Variants in RNF2 observed in about 807,000 individuals in gnomAD.
RNF2 encodes the protein ring finger protein 2, also known as E3 ubiquitin-protein ligase RING2.
A neutral mutation model predicts 37.2 loss-of-function variants in RNF2; 6 were observed. The ratio of observed to expected loss-of-function variants is 0.16; its 90% CI spans 0.09 to 0.32. RNF2 has a LOEUF of 0.32. Among genes scored for constraint, RNF2 ranks in the 10% least tolerant of loss-of-function variants. The pLI is 1.00. For synonymous variants in RNF2, 133 were observed against 132.7 expected, an observed-to-expected ratio of 1.00 and a Z score of -0.02; for missense variants, 251 against 404.0, an observed-to-expected ratio of 0.62 and a Z score of 3.25.
chr1:185,048,225 A>C (rs1650172373), intron 1 of RNF2, among the ~76,000 whole-genome samples: 1 of 152,158 alleles, frequency 6.6e-6, no homozygotes. Flanking sequence ...TGAGTCCCTG[A>C]CTATAGGTGC....
At chr1:185,066,403 T>C (rs79597165) in intron 1 of RNF2, among the ~76,000 whole-genome samples, 1,852 of 152,342 alleles carry the variant, frequency 0.012, 39 homozygotes, top group African/African-American at 0.042. Context: ...TCAGGACTGC[T>C]TTCTTTCCTC....
intron 1 of RNF2, among the ~76,000 whole-genome samples, chr1:185,061,253 G>T (rs12030761): frequency 1.3e-5 from 2 of 150,732 alleles, no homozygotes; most frequent in South Asian, 2.1e-4. Flanking sequence ...TCAGCCTCCC[G>T]AGTAGCTGGG....
chr1:185,065,221 G>A (rs1465316227), intron 1 of RNF2, among the ~76,000 whole-genome samples: 2 of 152,070 alleles, frequency 1.3e-5, no homozygotes, highest in Non-Finnish European at 2.9e-5. Context: ...CTCTAAAAAT[G>A]CACCAATCAG....
intron 1 of RNF2, among the ~76,000 whole-genome samples, chr1:185,048,862 T>C (rs1650192090): frequency 6.6e-6 from 1 of 152,142 alleles, no homozygotes; most frequent in Admixed American, 6.5e-5. Flanking sequence ...TTGCAGTTTC[T>C]TGGTGTTTCT....
chr1:185,063,675 T>C (rs988993025), intron 1 of RNF2, among the ~76,000 whole-genome samples: 15 of 152,214 alleles, frequency 9.9e-5, no homozygotes, highest in African/African-American at 3.1e-4. Context: ...AAATGAGTCT[T>C]ACGGGATTGA....
intron 1 of RNF2, among the ~76,000 whole-genome samples, chr1:185,074,508 A>G (rs1448367710): frequency 6.6e-6 from 1 of 152,058 alleles, no homozygotes; most frequent in South Asian, 2.1e-4. Flanking sequence ...GGGGCTTACT[A>G]TGAATAAGAA....
intron 1 of RNF2, among the ~76,000 whole-genome samples, chr1:185,076,964 ATTCAG>A (rs1651185837): frequency 6.6e-6 from 1 of 152,172 alleles, no homozygotes; most frequent in Admixed American, 6.5e-5. Flanking sequence ...GTGTACATTA[ATTCAG>A]TTCAGATCCT....
intron 1 of RNF2, among the ~76,000 whole-genome samples, chr1:185,054,024 G>A (rs886351673): frequency 3.9e-5 from 6 of 151,910 alleles, no homozygotes; most frequent in African/African-American, 9.7e-5. Flanking sequence ...TCTCTAGCAC[G>A]CAAACAATAT....
intron 1 of RNF2, among the ~76,000 whole-genome samples, chr1:185,067,122 G>C (rs1650819510): frequency 6.6e-6 from 1 of 152,146 alleles, no homozygotes; most frequent in African/African-American, 2.4e-5. Flanking sequence ...ATCAAATTAG[G>C]AATTGATATT....
chr1:185,098,079 C>G lies in RNF2; in HGVS notation c.472C>G (p.Arg158Gly). 6.2e-7 allele frequency: 1 copy of G among 1,613,692 alleles called. No homozygotes were observed. The highest frequency in any genetic ancestry group is 8.5e-7 in the Non-Finnish European group (1 of 1,179,794). Reference protein sequence around the residue: ...LKIQAMNRLQRGKKQQIENGS... With the variant: ...LKIQAMNRLQGGKKQQIENGS... Reference sequence around the variant, plus strand: ...TTTTTCCCCCTTGACTAGACTGCAGCGAGGCAAGAAACAACAGATTGAAAA... The same window carrying G: ...TTTTTCCCCCTTGACTAGACTGCAGGGAGGCAAGAAACAACAGATTGAAAA... Residue 158 changes from arginine (R) to glycine (G), a missense_variant, in exon 5 of 7, where the codon CGA becomes GGA. Arg to Gly is a moderately radical substitution (Grantham distance 125). Around this residue, in one of 7 missense-constraint regions of RNF2, gnomAD observed 94 missense variants for 99.2 expected, o/e 0.95. Transcript: ENST00000367510.
At chr1:185,063,035 C>G (rs936150905) in intron 1 of RNF2, among the ~76,000 whole-genome samples, 1 of 152,178 alleles carries the variant, frequency 6.6e-6, no homozygotes, top group Non-Finnish European at 1.5e-5. Flanking sequence ...GCCCTTTGAT[C>G]CAGTAATTCC....
In RNF2 at chr1:185,098,225, G is replaced by T. The variant is rs746144820; in HGVS notation, c.618G>T (p.Glu206Asp). The T allele has an allele frequency of 6.2e-7, 1 of 1,614,086 alleles. No individual in the cohort carries two copies. Among genetic ancestry groups the T allele is most frequent in the East Asian group, 2.2e-5 (1 of 44,892 alleles). Residue 206 changes from glutamate (E) to aspartate (D), a missense_variant, in exon 5 of 7, where the codon GAG becomes GAT. Physicochemically the swap from Glu to Asp is conservative, Grantham distance 45 (BLOSUM62 2). Coordinates refer to ENST00000367510, the MANE Select transcript of RNF2 (RefSeq NM_007212.4). ...RTKTSDDSGLELDNNNAAMAI... is the reference protein window; with the variant it reads ...RTKTSDDSGLDLDNNNAAMAI... ...AAACATCTGATGATTCTGGGCTAGA[G>T]CTTGATAATAACAATGCAGCAATGG...
intron 1 of RNF2, among the ~76,000 whole-genome samples, chr1:185,081,835 C>A (rs1293521617): frequency 6.6e-6 from 1 of 152,122 alleles, no homozygotes; most frequent in Non-Finnish European, 1.5e-5. Flanking sequence ...TCTCGATTTG[C>A]TGAGCATATT....
chr1:185,094,137 T>A (rs1651847464), intron 4 of RNF2, among the ~76,000 whole-genome samples: 1 of 151,722 alleles, frequency 6.6e-6, no homozygotes, highest in South Asian at 2.1e-4. Flanking sequence ...GTCAGTTTTT[T>A]TTTTTTATTT....
In RNF2 at chr1:185,067,211, C is replaced by T. The variant is rs554185517; in HGVS notation, c.-2-20341C>T. 7.2e-5 allele frequency among the ~76,000 whole-genome samples: 11 copies of T among 152,294 alleles called. No homozygotes were observed. In the South Asian group the frequency reaches 2.3e-3, roughly 32 times the overall value. On this transcript the variant is annotated intron_variant, in intron 1 of 6. Transcript: ENST00000367510. ...TCCAGATGTTCAGTACAGTGACAAGCTTTTCAGTAAAGAACACTTTGTGTC... is the reference window on the plus strand; with the variant it reads ...TCCAGATGTTCAGTACAGTGACAAGTTTTTCAGTAAAGAACACTTTGTGTC...
intron 1 of RNF2, among the ~76,000 whole-genome samples, chr1:185,076,218 G>A (rs1300292769): frequency 2.6e-5 from 3 of 115,660 alleles, no homozygotes; most frequent in Non-Finnish European, 5.5e-5. Flanking sequence ...TCTGGGTATT[G>A]TATCTTGCTT....
At chr1:185,094,135 T>TA (rs1346952130) in intron 4 of RNF2, among the ~76,000 whole-genome samples, 1 of 151,844 alleles carries the variant, frequency 6.6e-6, no homozygotes, top group Non-Finnish European at 1.5e-5. Flanking sequence ...GAGTCAGTTT[T>TA]TTTTTTTTAT....
rs1651819077 is a variant in RNF2, at chr1:185,093,297, G to A, written c.464+21G>A. 4 of 1,603,514 alleles carry A rather than the reference G, an allele frequency of 2.5e-6. No individual in the cohort carries two copies. The Admixed American group carries it at 5.0e-5, about 20-fold the overall frequency. ...AACAGGTATATGGGAAAGAGGGTCA[G>A]AGAGGGTAGCTGTTTTTCTGAATAC... On this transcript the variant is annotated intron_variant, in intron 4 of 6. Transcript: ENST00000367510.
rs1650908169 is a variant in RNF2, at chr1:185,069,599, A to G, written c.-2-17953A>G. Among the ~76,000 whole-genome samples the G allele has an allele frequency of 2.6e-5, 4 of 152,206 alleles. No individual in the cohort carries two copies. In the South Asian group the frequency reaches 8.3e-4, roughly 31 times the overall value. The stretch of plus-strand genomic sequence containing the variant: ...TATTGAGAGTCTGACCAAAGAGTAA[A>G]GGCCATGTAGATTCTGTATACTTTA... On this transcript the variant is annotated intron_variant, in intron 1 of 6. Coordinates refer to ENST00000367510, the MANE Select transcript of RNF2 (RefSeq NM_007212.4).
Sources: allele counts gnomAD v4.1 joint callset (sites outside exome capture counted in the v4.1 genomes callset), GRCh38; gene constraint gnomAD v4.1.1; regional missense constraint gnomAD v4.1.1; transcripts MANE v1.5; gene names NCBI Gene and HGNC (gene_info 2026-07-23, HGNC 2026-07-21).